Variants in CBLL1 observed in about 807,000 individuals in gnomAD.
CBLL1 encodes Cbl proto-oncogene like 1, also known as E3 ubiquitin-protein ligase Hakai.
Under a neutral mutation model 44.9 loss-of-function variants are expected in CBLL1, and 4 were observed. The ratio of observed to expected loss-of-function variants is 0.09; its 90% confidence interval spans 0.04 to 0.20. The LOEUF is 0.20. CBLL1 is among the 10% of genes least tolerant of loss of function. CBLL1 has a pLI of 1.00. For synonymous variants in CBLL1, 235 were observed against 202.2 expected (o/e 1.16, Z -1.38); for missense variants, 569 against 636.7 (o/e 0.89, Z 1.14).
At chr7:107,748,751 G>A in intron 1 of CBLL1, 129 bp from the exon 2 acceptor site, 1 of 702,546 alleles carries the variant, frequency 1.4e-6, no homozygotes, top group Non-Finnish European at 2.3e-6. Flanking sequence ...TAAACTTAAT[G>A]TAATATTGAA....
chr7:107,749,213 TATAA>T (rs1793156180), intron 2 of CBLL1, 166 bp downstream of exon 2: 1 of 528,206 alleles, frequency 1.9e-6, no homozygotes, highest in Non-Finnish European at 3.1e-6. Context: ...TATTTTCCTT[TATAA>T]ATATTTTTTG....
intron 1 of CBLL1, among the ~76,000 whole-genome samples, 171 bp from the exon 2 acceptor site, chr7:107,748,707 TAA>T (rs1247041778): frequency 6.6e-6 from 1 of 152,218 alleles, no homozygotes; most frequent in African/African-American, 2.4e-5. Context: ...AGCATTGCCT[TAA>T]GTGTTGATCC....
Position 107,755,399 on chromosome 7 carries a change from A to G in CBLL1, c.367-19A>G. ...TATAAGTTCTAATATGCTTAACTGT[A>G]ATATGTCTTTGTTTACAGATTCCAT... On this transcript the variant is annotated intron_variant, in intron 4 of 5. Coordinates refer to ENST00000440859, the MANE Select transcript of CBLL1 (RefSeq NM_024814.4). 4.7e-6 allele frequency: 7 copies of G among 1,479,602 alleles called. No homozygotes were observed. The highest frequency in any genetic ancestry group is 1.3e-5 in the South Asian group (1 of 76,404). 91.7% of individuals were successfully genotyped at this position (1,479,602 alleles called of 1,614,324 possible). A position where few individuals can be genotyped will look rare whatever the true frequency, so the allele number is the denominator to read the frequency against.
Position 107,759,090 on chromosome 7 carries a change from C to G in CBLL1, c.1388C>G (p.Pro463Arg). 6.2e-7 allele frequency: 1 copy of G among 1,614,134 alleles called. No individual in the cohort carries two copies. Among genetic ancestry groups the G allele is most frequent in the Non-Finnish European group, 8.5e-7 (1 of 1,180,024 alleles). ...CCTGCACCAAGAGGGCCACCACCAC[C>G]TCCACGATTGCAGGGTCCGCCTTCT... Reference protein sequence around the residue: ...IWPAPRGPPPPPRLQGPPSQT... With the variant: ...IWPAPRGPPPRPRLQGPPSQT... The change falls in exon 6 of 6, where the codon CCT becomes CGT. Residue 463 changes from proline (P) to arginine (R), a missense_variant. Transcript: ENST00000440859.
At chr7:107,749,928 G>A (rs372526337) in intron 2 of CBLL1, among the ~76,000 whole-genome samples, 1 of 129,210 alleles carries the variant, frequency 7.7e-6, no homozygotes, top group Non-Finnish European at 1.7e-5. Flanking sequence ...GTGCGTGTGT[G>A]TATATATATT....
chr7:107,749,171 G>T (rs1031631036), intron 2 of CBLL1, 124 bp downstream of exon 2: 1 of 746,768 alleles, frequency 1.3e-6, no homozygotes. Context: ...CAACCTTCTT[G>T]TTTGACTTCT....
At chr7:107,754,787 TA>T (rs534489479) in intron 4 of CBLL1, among the ~76,000 whole-genome samples, 36 of 148,844 alleles carry the variant, frequency 2.4e-4, no homozygotes, top group African/African-American at 6.6e-4. Context: ...GAAACAAGAT[TA>T]AAAAAAAAAC....
chr7:107,759,035 C>G lies in CBLL1; in HGVS notation c.1333C>G (p.Gln445Glu). The G allele has an allele frequency of 6.2e-7, 1 of 1,614,044 alleles. No homozygotes were observed. Among genetic ancestry groups the G allele is most frequent in the Non-Finnish European group, 8.5e-7 (1 of 1,180,012 alleles). ...AGGAACTCTGAGCCCTCCATTTACACAACCAGGGGGAATGAGTCCTGGTAT... is the reference window on the plus strand; with the variant it reads ...AGGAACTCTGAGCCCTCCATTTACAGAACCAGGGGGAATGAGTCCTGGTAT... Reference protein sequence around the residue: ...DQGTLSPPFTQPGGMSPGIWP... With the variant: ...DQGTLSPPFTEPGGMSPGIWP... Residue 445 changes from glutamine (Q) to glutamate (E), a missense_variant, in exon 6 of 6, where the codon CAA (glutamine) becomes GAA (glutamate). This residue lies in a region of CBLL1 where 228 missense variants were observed against 253.2 expected (regional missense o/e 0.90). Transcript: ENST00000440859.
In CBLL1 at chr7:107,753,427, T is replaced by C. The variant is rs779412576; in HGVS notation, c.198T>C (p.Asn66=). The C allele has an allele frequency of 4.4e-6, 7 of 1,576,016 alleles. No individual in the cohort carries two copies. Among genetic ancestry groups the C allele is most frequent in the Non-Finnish European group, 6.0e-6 (7 of 1,167,342 alleles). The change falls in exon 3 of 6, where the codon AAT becomes AAC. Residue 66 remains asparagine (N), a synonymous_variant. Coordinates refer to ENST00000440859, the MANE Select transcript of CBLL1 (RefSeq NM_024814.4). ...PPGDEEGFDY[N]EEERYDCKGG... ...TTTTCTCAGAAGGATTTGATTATAA[T>C]GAAGAAGAACGGTATGACTGTAAAG...
rs1382894238 is a variant in CBLL1 at position 107,760,524 on chromosome 7, G to A, written c.*1346G>A. ...TTTTACATTATAGGGGCTTGTTATA[G>A]TTTAGCTAAGATGACCACTTAACAG... On this transcript the variant is annotated 3_prime_UTR_variant, in exon 6 of 6. Coordinates refer to ENST00000440859, the MANE Select transcript of CBLL1 (RefSeq NM_024814.4). 6.6e-6 allele frequency: 1 copy of A among 152,120 alleles called. No individual in the cohort carries two copies. The highest frequency in any genetic ancestry group is 1.5e-5 in the Non-Finnish European group (1 of 67,928). 9.4% of individuals were successfully genotyped at this position (152,120 alleles called of 1,614,324 possible). A position where few individuals can be genotyped will look rare whatever the true frequency, so the allele number is the denominator to read the frequency against.
rs1479548505 is a variant in CBLL1, at chr7:107,759,275, A to G, written c.*97A>G. 1 of 1,060,768 alleles carries G rather than the reference A, an allele frequency of 9.4e-7. No individual in the cohort carries two copies. The highest frequency in any genetic ancestry group is 1.4e-6 in the Non-Finnish European group (1 of 735,058). The allele number at this position is 1,060,768 out of a possible 1,614,324, so 65.7% of individuals were successfully genotyped here. A position where few individuals can be genotyped will look rare whatever the true frequency, so the allele number is the denominator to read the frequency against. On this transcript the variant is annotated 3_prime_UTR_variant, in exon 6 of 6. Coordinates refer to ENST00000440859, the MANE Select transcript of CBLL1 (RefSeq NM_024814.4). Reference sequence around the variant, plus strand: ...GTTTTGGGAAGGAAGAGTACCTCTTATCGAGGTAGTATAAAACACATAGGG... The same window carrying G: ...GTTTTGGGAAGGAAGAGTACCTCTTGTCGAGGTAGTATAAAACACATAGGG...
chr7:107,753,616 G>C, intron 3 of CBLL1, 105 bp downstream of exon 3: 1 of 614,552 alleles, frequency 1.6e-6, no homozygotes, highest in East Asian at 3.1e-5. Context: ...AGAATATTAT[G>C]AACTTATAAC....
At position 107,749,143 on chromosome 7, in the gene CBLL1, C is replaced by T. The variant is rs1458886252; in HGVS notation, c.181+96C>T. The T allele has an allele frequency of 1.4e-5, 15 of 1,059,084 alleles. No individual in the cohort carries two copies. In the South Asian group the frequency reaches 2.7e-4, roughly 19 times the overall value. The allele number at this position is 1,059,084 out of a possible 1,614,324, so 65.6% of individuals were successfully genotyped here. A position where few individuals can be genotyped will look rare whatever the true frequency, so the allele number is the denominator to read the frequency against. On this transcript the variant is annotated intron_variant, in intron 2 of 5. Coordinates refer to ENST00000440859, the MANE Select transcript of CBLL1 (RefSeq NM_024814.4). ...CTTATAGCTACCTCTTTTTGTCTTA[C>T]ATATTCTATTCATTCTTCAACCTTC...
intron 1 of CBLL1, among the ~76,000 whole-genome samples, chr7:107,745,069 T>C (rs1270293096): frequency 6.6e-6 from 1 of 151,660 alleles, no homozygotes; most frequent in Non-Finnish European, 1.5e-5. Flanking sequence ...TGTATGTTTA[T>C]TTATGCAAGA....
chr7:107,748,280 A>G (rs866209957), intron 1 of CBLL1, among the ~76,000 whole-genome samples: 3 of 152,204 alleles, frequency 2.0e-5, no homozygotes, highest in African/African-American at 7.2e-5. Context: ...ACATTATTGC[A>G]TGTTTTTACT....
intron 2 of CBLL1, among the ~76,000 whole-genome samples, chr7:107,751,411 A>AT (rs1459012969): frequency 2.6e-5 from 4 of 151,000 alleles, no homozygotes; most frequent in East Asian, 2.0e-4. Flanking sequence ...TATTAAAAGT[A>AT]TTTTTTTGTA....
At position 107,749,030 on chromosome 7, in the gene CBLL1, C is replaced by T; in HGVS notation, c.164C>T (p.Ala55Val). ...QRTINRMPAKAPPGDEEGFDY... is the reference protein window; with the variant it reads ...QRTINRMPAKVPPGDEEGFDY... ...ACTATAAACAGGATGCCTGCAAAGG[C>T]TCCACCTGGTGATGAAGGTAATTTG... Residue 55 changes from alanine (A) to valine (V), a missense_variant, in exon 2 of 6, where the codon GCT becomes GTT. Ala to Val is a moderately conservative substitution (Grantham distance 64). This residue lies in a region of CBLL1 where 209 missense variants were observed against 202.8 expected (regional missense o/e 1.03). Transcript: ENST00000440859. The T allele has an allele frequency of 6.2e-7, 1 of 1,613,980 alleles. No individual in the cohort carries two copies. Among genetic ancestry groups the T allele is most frequent in the Non-Finnish European group, 8.5e-7 (1 of 1,179,912 alleles).
At position 107,748,539 on chromosome 7, in the gene CBLL1, T is replaced by C. The variant is rs1793117040; in HGVS notation, c.14-341T>C. ...ACTCTTTTTCTTTTAAAAAATTCTC[T>C]TGTAGTTCAAGACAATGGTTCTTGG... On this transcript the variant is annotated intron_variant, in intron 1 of 5. Transcript: ENST00000440859. Among the ~76,000 whole-genome samples, 3 of 152,204 alleles carry C rather than the reference T, an allele frequency of 2.0e-5. No individual in the cohort carries two copies. In the East Asian group the frequency reaches 5.8e-4, roughly 29 times the overall value.
At position 107,753,406 on chromosome 7, in the gene CBLL1, C is replaced by T. The variant is rs1451564390; in HGVS notation, c.182-5C>T. 6.4e-7 allele frequency: 1 copy of T among 1,550,516 alleles called. No homozygotes were observed. Among genetic ancestry groups the T allele is most frequent in the South Asian group, 1.2e-5 (1 of 81,200 alleles). ...AGTTAATGGGCAATACTTTTTTTTT[C>T]TCAGAAGGATTTGATTATAATGAAG... On this transcript the variant is annotated splice_polypyrimidine_tract_variant and splice_region_variant and intron_variant, in intron 2 of 5. Transcript: ENST00000440859.
Sources: gnomAD v4.1 joint callset for allele counts (sites outside exome capture counted in the v4.1 genomes callset) on GRCh38, gnomAD v4.1.1 for gene constraint, gnomAD v4.1.1 regional missense constraint, MANE v1.5 for transcripts, NCBI Gene and HGNC (gene_info 2026-07-23, HGNC 2026-07-21) for gene names.